ASCC3: variants seen among roughly 807,000 people sequenced by gnomAD.
The protein encoded by ASCC3 is activating signal cointegrator 1 complex subunit 3.
A neutral mutation model predicts 256.3 loss-of-function variants in ASCC3; 158 were observed. The observed-to-expected ratio is 0.62, with a 90% CI of 0.54 to 0.70. The LOEUF (loss-of-function observed/expected upper bound fraction) is 0.70. Ranked by LOEUF, ASCC3 falls within the 30% of genes least tolerant of loss-of-function variation. The pLI is 0.00. For missense variants in ASCC3, 2,259 were observed against 2,626.0 expected (o/e 0.86, Z 3.05); for synonymous variants, 948 against 883.4 (o/e 1.07, Z -1.30).
chr6:100,854,698 A>G (rs1772853803), intron 3 of ASCC3, among the ~76,000 whole-genome samples: 1 of 152,202 alleles, frequency 6.6e-6, no homozygotes, highest in African/African-American at 2.4e-5. Flanking sequence ...TTCCAGTAGT[A>G]TAAAATCCTG....
chr6:100,649,532 T>C (rs945320390), intron 20 of ASCC3, among the ~76,000 whole-genome samples: 3 of 151,756 alleles, frequency 2.0e-5, no homozygotes, highest in Middle Eastern at 3.4e-3. Flanking sequence ...CTTGGTTACA[T>C]TGATTAAATT....
At chr6:100,801,508 A>G (rs1056080046) in intron 5 of ASCC3, among the ~76,000 whole-genome samples, 1 of 152,088 alleles carries the variant, frequency 6.6e-6, no homozygotes, top group Admixed American at 6.6e-5. Context: ...AAATCTTCAC[A>G]ATTCTCAGAC....
At chr6:100,687,970 A>G (rs1777664087) in intron 13 of ASCC3, among the ~76,000 whole-genome samples, 1 of 152,134 alleles carries the variant, frequency 6.6e-6, no homozygotes, top group South Asian at 2.1e-4. Flanking sequence ...ATTATATACT[A>G]AGATAAAGGA....
At position 100,582,169 on chromosome 6, in the gene ASCC3, C is replaced by T. The variant is rs935009501; in HGVS notation, c.5550+7465G>A. ...GGGATGGCATTGAATCTATAAATTACCTTGGGCAGTATGGCCATTATCATG... is the reference window on the plus strand; with the variant it reads ...GGGATGGCATTGAATCTATAAATTATCTTGGGCAGTATGGCCATTATCATG... On this transcript the variant is annotated intron_variant, in intron 36 of 41. Transcript: ENST00000369162. Among the ~76,000 whole-genome samples the T allele has an allele frequency of 5.3e-5, 8 of 152,070 alleles. 1 individual carries two copies. Among genetic ancestry groups the T allele is most frequent in the African/African-American group, 7.2e-5 (3 of 41,518 alleles).
At chr6:100,587,666 C>T (rs939628170) in intron 36 of ASCC3, among the ~76,000 whole-genome samples, 11 of 152,104 alleles carry the variant, frequency 7.2e-5, no homozygotes, top group East Asian at 1.9e-4. Context: ...ATAAATATTC[C>T]GTTATACAGC....
intron 29 of ASCC3, among the ~76,000 whole-genome samples, chr6:100,626,843 G>T (rs944839276): frequency 6.6e-6 from 1 of 152,044 alleles, no homozygotes; most frequent in Non-Finnish European, 1.5e-5. Context: ...TTTTGCTGCT[G>T]AAAGAACAGG....
intron 36 of ASCC3, among the ~76,000 whole-genome samples, chr6:100,542,303 T>C (rs1294743211): frequency 1.3e-5 from 2 of 151,834 alleles, no homozygotes; most frequent in Non-Finnish European, 2.9e-5. Flanking sequence ...TTATGTACAG[T>C]GGAAGGAAGA....
chr6:100,700,073 C>T (rs1778280717), intron 13 of ASCC3, among the ~76,000 whole-genome samples: 1 of 152,148 alleles, frequency 6.6e-6, no homozygotes, highest in Non-Finnish European at 1.5e-5. Flanking sequence ...AAATGTTAGT[C>T]ACCAAGACAA....
chr6:100,798,910 A>G, intron 7 of ASCC3, 72 bp from the exon 8 acceptor site: 1 of 1,349,254 alleles, frequency 7.4e-7, no homozygotes, highest in Non-Finnish European at 1.0e-6. Context: ...TATTCTTTAG[A>G]GAGAGACAGA....
intron 8 of ASCC3, among the ~76,000 whole-genome samples, chr6:100,777,706 A>C (rs939838413): frequency 6.6e-6 from 1 of 152,096 alleles, no homozygotes; most frequent in Non-Finnish European, 1.5e-5. Context: ...CCAGAAGCAG[A>C]CCACTAAATC....
intron 10 of ASCC3, 106 bp from the exon 11 acceptor site, chr6:100,725,809 T>A: frequency 1.8e-6 from 2 of 1,134,976 alleles, no homozygotes; most frequent in Admixed American, 1.9e-5. Flanking sequence ...ATAAATCAAA[T>A]AAAAAGTGTT....
chr6:100,804,957 T>C (rs1025485366), intron 5 of ASCC3, among the ~76,000 whole-genome samples: 5 of 152,074 alleles, frequency 3.3e-5, no homozygotes, highest in African/African-American at 9.7e-5. Context: ...GACTCACATG[T>C]TCATCACAGC....
Position 100,818,815 on chromosome 6 carries a change from TA to T in ASCC3, c.802-12936del, listed in dbSNP as rs1328151451. On this transcript the variant is annotated intron_variant, in intron 4 of 41. Transcript: ENST00000369162. ...GATTAAAAAGCAGTAAAACTACATA[TA>T]AAAAAAACCATTAGAAGTGACAAGT... 1.1e-4 allele frequency among the ~76,000 whole-genome samples: 6 copies of T among 54,218 alleles called. No individual in the cohort carries two copies. In the South Asian group the frequency reaches 3.0e-3, roughly 27 times the overall value. The allele number at this position is 54,218 out of a possible 152,430, so 35.6% of individuals were successfully genotyped here.
intron 36 of ASCC3, among the ~76,000 whole-genome samples, chr6:100,584,009 A>T (rs188982203): frequency 1.3e-5 from 2 of 152,054 alleles, no homozygotes; most frequent in Non-Finnish European, 2.9e-5. Flanking sequence ...ACTTCCAAGT[A>T]TGTGGTCAAT....
intron 3 of ASCC3, chr6:100,858,515 A>G: frequency 1.1e-6 from 1 of 902,246 alleles, no homozygotes; most frequent in Non-Finnish European, 1.3e-6. Flanking sequence ...GAGATTTTTT[A>G]TCATAAGTAA....
chr6:100,568,705 C>T (rs933385261), intron 36 of ASCC3, among the ~76,000 whole-genome samples: 1 of 150,514 alleles, frequency 6.6e-6, no homozygotes, highest in African/African-American at 2.4e-5. Context: ...TTAAGTCTCA[C>T]TTGTCAATTT....
At chr6:100,750,089 T>C (rs945060039) in intron 10 of ASCC3, among the ~76,000 whole-genome samples, 5 of 151,722 alleles carry the variant, frequency 3.3e-5, no homozygotes, top group Non-Finnish European at 7.4e-5. Flanking sequence ...GCCTGGAAAA[T>C]TGACCAAAAT....
chr6:100,589,405 A>G (rs1160385023), intron 36 of ASCC3, among the ~76,000 whole-genome samples: 1 of 152,102 alleles, frequency 6.6e-6, no homozygotes, highest in Non-Finnish European at 1.5e-5. Flanking sequence ...CCTGGCTTAA[A>G]TATTAATAGG....
At chr6:100,828,096 A>AG in intron 4 of ASCC3, among the ~76,000 whole-genome samples, 1 of 151,166 alleles carries the variant, frequency 6.6e-6, no homozygotes, top group East Asian at 2.0e-4. Flanking sequence ...ATTTTCTAAA[A>AG]AAAAAAAAAA....
Sources: allele counts gnomAD v4.1 joint callset (sites outside exome capture counted in the v4.1 genomes callset), GRCh38; gene constraint gnomAD v4.1.1; transcripts MANE v1.5; gene names NCBI Gene and HGNC (gene_info 2026-07-23, HGNC 2026-07-21).